The following KIAA1328 variants were observed in gnomAD, a reference collection of about 807,000 sequenced individuals.
KIAA1328 encodes the protein protein hinderin.
Under a neutral mutation model 68.1 loss-of-function variants are expected in KIAA1328, and 52 were observed. The ratio of observed to expected loss-of-function variants is 0.76; its 90% CI spans 0.61 to 0.96. The LOEUF (loss-of-function observed/expected upper bound fraction) is 0.96, where lower values mean the gene tolerates loss of function less well. Ranked by LOEUF, KIAA1328 falls within the 40% of genes least tolerant of loss-of-function variation. The pLI is 0.00. For synonymous variants in KIAA1328, 232 were observed against 239.4 expected (o/e 0.97, Z 0.28); for missense variants, 641 against 677.6 (o/e 0.95, Z 0.60).
At chr18:36,946,138 A>T (rs1209059191) in intron 5 of KIAA1328, 1 of 152,246 alleles carries the variant, frequency 6.6e-6, no homozygotes, top group Non-Finnish European at 1.5e-5. Flanking sequence ...CAAAATAGAA[A>T]TGTTACACTG....
chr18:37,017,659 A>G (rs2054198349), intron 6 of KIAA1328, among the ~76,000 whole-genome samples: 1 of 152,170 alleles, frequency 6.6e-6, no homozygotes, highest in African/African-American at 2.4e-5. Context: ...TGTTGTGTAT[A>G]TCTATACTTA....
At chr18:36,918,508 G>T (rs143697517) in intron 5 of KIAA1328, among the ~76,000 whole-genome samples, 2,025 of 150,726 alleles carry the variant, frequency 0.013, 45 homozygotes, top group African/African-American at 0.047. Flanking sequence ...CGCCTCTTGG[G>T]TTCAAGCAGT....
At chr18:37,225,748 A>C (rs1455060500), downstream of KIAA1328, among the ~76,000 whole-genome samples, 3 of 152,194 alleles carry the variant, frequency 2.0e-5, no homozygotes, top group Non-Finnish European at 4.4e-5. Context: ...CAGTGTCTAA[A>C]GTGCTCAATT....
intron 6 of KIAA1328, among the ~76,000 whole-genome samples, chr18:37,015,273 T>C (rs1006280650): frequency 6.6e-6 from 1 of 152,178 alleles, no homozygotes; most frequent in African/African-American, 2.4e-5. Flanking sequence ...TCCCATTGCT[T>C]GTTTTTGTCA....
At chr18:36,841,110 C>G (rs2046844356) in intron 3 of KIAA1328, among the ~76,000 whole-genome samples, 1 of 151,934 alleles carries the variant, frequency 6.6e-6, no homozygotes, top group South Asian at 2.1e-4. Flanking sequence ...CCATTTGGAT[C>G]AGAAATAGCT....
Position 36,835,253 on chromosome 18 carries a change from T to C in KIAA1328, c.114T>C (p.Asn38=). The C allele has an allele frequency of 6.2e-7, 1 of 1,611,758 alleles. No homozygotes were observed. The highest frequency in any genetic ancestry group is 8.5e-7 in the Non-Finnish European group (1 of 1,179,078). The change falls in exon 3 of 10, where the codon AAT becomes AAC. Residue 38 remains asparagine (N), a synonymous_variant. Transcript: ENST00000280020. ...CCTTAGGAATTTCTGCTGAAGGAAATGTCAGATCAAGACACAAGCTGATGA... is the reference window on the plus strand; with the variant it reads ...CCTTAGGAATTTCTGCTGAAGGAAACGTCAGATCAAGACACAAGCTGATGA... ...VYVPGISAEG[N]VRSRHKLMSP...
intron 1 of KIAA1328, chr18:36,833,343 A>G (rs1444906487): frequency 6.6e-6 from 1 of 152,206 alleles, no homozygotes; most frequent in Non-Finnish European, 1.5e-5. Flanking sequence ...ATATTTGAGG[A>G]AAGAGCTTCC....
At chr18:37,199,893 T>C (rs778409387) in intron 9 of KIAA1328, among the ~76,000 whole-genome samples, 20 of 152,244 alleles carry the variant, frequency 1.3e-4, no homozygotes, top group Non-Finnish European at 2.5e-4. Flanking sequence ...CAGGTATGTC[T>C]TCTTTTGAGA....
intron 6 of KIAA1328, among the ~76,000 whole-genome samples, chr18:36,967,979 T>C (rs1328671253): frequency 6.6e-6 from 1 of 152,180 alleles, no homozygotes; most frequent in Non-Finnish European, 1.5e-5. Context: ...TTGAAATAGA[T>C]GGGGAGAAAC....
At chr18:36,983,741 A>G (rs1015028755) in intron 6 of KIAA1328, among the ~76,000 whole-genome samples, 1 of 152,168 alleles carries the variant, frequency 6.6e-6, no homozygotes, top group African/African-American at 2.4e-5. Flanking sequence ...CCAGAAAATT[A>G]TAGAAGAGGA....
chr18:36,862,704 G>A (rs1279482214), intron 4 of KIAA1328, among the ~76,000 whole-genome samples: 2 of 152,014 alleles, frequency 1.3e-5, no homozygotes, highest in Non-Finnish European at 1.5e-5. Context: ...TAATTTCTTT[G>A]GGATACTGTA....
At chr18:37,092,728 C>T (rs111770610) in intron 7 of KIAA1328, among the ~76,000 whole-genome samples, 10 of 152,176 alleles carry the variant, frequency 6.6e-5, no homozygotes, top group Admixed American at 2.0e-4. Flanking sequence ...CAGCCCATCA[C>T]TGACACCAGT....
chr18:37,130,712 A>C (rs1486378167), intron 7 of KIAA1328, among the ~76,000 whole-genome samples: 3 of 152,222 alleles, frequency 2.0e-5, no homozygotes, highest in Non-Finnish European at 4.4e-5. Context: ...GAAAAAAATA[A>C]TCCTGATTTC....
intron 6 of KIAA1328, among the ~76,000 whole-genome samples, chr18:37,031,935 G>A (rs140389409): frequency 4.0e-4 from 61 of 152,264 alleles, no homozygotes; most frequent in Admixed American, 2.5e-3. Context: ...GGGAGGCTGA[G>A]GCGGGTGGAT....
intron 6 of KIAA1328, among the ~76,000 whole-genome samples, chr18:36,962,501 A>G (rs1260169380): frequency 6.6e-6 from 1 of 152,216 alleles, no homozygotes; most frequent in African/African-American, 2.4e-5. Flanking sequence ...TCTCTACCCC[A>G]AATCAACAGA....
chr18:37,226,516 A>G (rs1020612818), downstream of KIAA1328, among the ~76,000 whole-genome samples: 2 of 152,216 alleles, frequency 1.3e-5, no homozygotes, highest in South Asian at 2.1e-4. Context: ...ATACAATTGC[A>G]TATCTGGACA....
intron 4 of KIAA1328, among the ~76,000 whole-genome samples, chr18:36,856,930 T>TC (rs1421146055): frequency 1.3e-5 from 2 of 152,192 alleles, no homozygotes; most frequent in Non-Finnish European, 2.9e-5. Flanking sequence ...GAAGTCTTTG[T>TC]TTTGTTATTT....
chr18:37,001,730 A>G (rs2053592099), intron 6 of KIAA1328, among the ~76,000 whole-genome samples: 1 of 152,218 alleles, frequency 6.6e-6, no homozygotes, highest in Admixed American at 6.5e-5. Flanking sequence ...AGAACATCAC[A>G]TCAGTACAAT....
chr18:36,955,590 G>A (rs2051377815), intron 5 of KIAA1328, among the ~76,000 whole-genome samples: 1 of 151,978 alleles, frequency 6.6e-6, no homozygotes, highest in Non-Finnish European at 1.5e-5. Context: ...TTATAGGCGT[G>A]AGCCACCGCA....
Sources: allele counts gnomAD v4.1 joint callset (sites outside exome capture counted in the v4.1 genomes callset), GRCh38; gene constraint gnomAD v4.1.1; transcripts MANE v1.5; gene names NCBI Gene and HGNC (gene_info 2026-07-23, HGNC 2026-07-21).